The following HNRNPM variants were observed in gnomAD, a reference collection of about 807,000 sequenced individuals.
HNRNPM encodes CEA receptor.
Under a neutral mutation model 73.1 loss-of-function variants are expected in HNRNPM, and 11 were observed. The observed-to-expected ratio is 0.15, with a 90% CI of 0.09 to 0.25. The LOEUF (loss-of-function observed/expected upper bound fraction) is 0.25, where lower values mean the gene tolerates loss of function less well. HNRNPM is among the 10% of genes least tolerant of loss of function. The pLI, the probability that HNRNPM is intolerant of heterozygous loss-of-function variation, is 1.00. For missense variants in HNRNPM, 789 were observed against 1,067.9 expected (o/e 0.74, Z 3.64); for synonymous variants, 407 against 355.2 (o/e 1.15, Z -1.64).
At chr19:8,484,932 ATCT>A (rs752577794) in intron 13 of HNRNPM, among the ~76,000 whole-genome samples, 21 of 151,846 alleles carry the variant, frequency 1.4e-4, no homozygotes, top group Non-Finnish European at 2.6e-4. Context: ...TGCCATCAAC[ATCT>A]TCTTTCCAAA....
intron 1 of HNRNPM, chr19:8,445,721 C>T (rs1426017527): frequency 6.6e-6 from 1 of 152,538 alleles, no homozygotes; most frequent in African/African-American, 2.4e-5. Context: ...GCCCCTCGCC[C>T]CACGCTCTGG....
intron 1 of HNRNPM, among the ~76,000 whole-genome samples, chr19:8,455,008 C>G (rs1233352092): frequency 1.3e-5 from 2 of 152,100 alleles, no homozygotes; most frequent in Non-Finnish European, 2.9e-5. Flanking sequence ...GGGTCTCGCT[C>G]TGTCACCCTA....
chr19:8,477,483 C>T (rs1409503529), intron 12 of HNRNPM, among the ~76,000 whole-genome samples: 1 of 151,924 alleles, frequency 6.6e-6, no homozygotes, highest in Non-Finnish European at 1.5e-5. Flanking sequence ...CATAGTGAGA[C>T]CTCCTCTCTA....
chr19:8,449,408 G>A (rs1422713170), intron 1 of HNRNPM, among the ~76,000 whole-genome samples: 1 of 152,178 alleles, frequency 6.6e-6, no homozygotes, highest in East Asian at 1.9e-4. Flanking sequence ...TCTCAGCCTT[G>A]GCTCTGGTTT....
chr19:8,474,324 C>T, intron 12 of HNRNPM, 80 bp downstream of exon 12: 1 of 873,788 alleles, frequency 1.1e-6, no homozygotes, highest in Non-Finnish European at 1.7e-6. Flanking sequence ...GCTGCAGACC[C>T]ACTGAATAAG....
At chr19:8,448,268 A>G (rs975591958) in intron 1 of HNRNPM, among the ~76,000 whole-genome samples, 1 of 152,142 alleles carries the variant, frequency 6.6e-6, no homozygotes, top group South Asian at 2.1e-4. Flanking sequence ...CTTGTTTTGC[A>G]GTTACTTCTC....
chr19:8,448,214 T>C (rs1968350068), intron 1 of HNRNPM, among the ~76,000 whole-genome samples: 2 of 152,128 alleles, frequency 1.3e-5, no homozygotes, highest in African/African-American at 2.4e-5. Flanking sequence ...AGACCACAAA[T>C]GCAGTGAGCT....
At chr19:8,467,470 T>C in intron 7 of HNRNPM, 65 bp from the exon 8 acceptor site, 1 of 1,238,254 alleles carries the variant, frequency 8.1e-7, no homozygotes, top group Non-Finnish European at 1.2e-6. Context: ...TATTTTTCTT[T>C]CTTTTTGTAT....
At chr19:8,455,608 G>T in intron 2 of HNRNPM, 34 bp downstream of exon 2, 7 of 1,570,930 alleles carry the variant, frequency 4.5e-6, no homozygotes, top group Non-Finnish European at 6.1e-6. Flanking sequence ...GGGTGAGAAG[G>T]TTGGTGTGTC....
intron 1 of HNRNPM, among the ~76,000 whole-genome samples, chr19:8,445,956 C>T (rs1416834501): frequency 6.6e-6 from 1 of 152,184 alleles, no homozygotes; most frequent in Admixed American, 6.5e-5. Flanking sequence ...GCTTGGGGCT[C>T]TTTGACTCCT....
chr19:8,487,097 G>C, intron 15 of HNRNPM, 22 bp downstream of exon 15: 1 of 1,603,542 alleles, frequency 6.2e-7, no homozygotes, highest in Non-Finnish European at 8.5e-7. Flanking sequence ...GAACGGCTTT[G>C]TAGGTGCTTC....
intron 12 of HNRNPM, among the ~76,000 whole-genome samples, chr19:8,480,873 C>T (rs1336040170): frequency 7.9e-5 from 12 of 152,114 alleles, no homozygotes; most frequent in Admixed American, 7.9e-4. Flanking sequence ...ACCGGCAGGG[C>T]GCCACCTCTC....
Position 8,467,599 on chromosome 19 carries a change from T to G in HNRNPM, c.834+15T>G. The G allele has an allele frequency of 6.3e-7, 1 of 1,589,378 alleles. No homozygotes were observed. Among genetic ancestry groups the G allele is most frequent in the Non-Finnish European group, 8.6e-7 (1 of 1,157,364 alleles). On this transcript the variant is annotated intron_variant, in intron 8 of 15. Transcript: ENST00000325495. ...ACGTCAAGATGGTAAGTCAGTAGGA[T>G]CTTTCTCTGTGATATACTCAAGTCT...
At chr19:8,469,490 A>T (rs1969986233) in intron 9 of HNRNPM, among the ~76,000 whole-genome samples, 2 of 152,204 alleles carry the variant, frequency 1.3e-5, no homozygotes, top group South Asian at 4.1e-4. Flanking sequence ...TGGTATGTGA[A>T]GTGTCTTGAA....
At chr19:8,476,136 C>G (rs914885318) in intron 12 of HNRNPM, among the ~76,000 whole-genome samples, 5 of 151,998 alleles carry the variant, frequency 3.3e-5, no homozygotes, top group Non-Finnish European at 5.9e-5. Flanking sequence ...AGTGCTGATT[C>G]TCTGGAGAAC....
intron 2 of HNRNPM, 126 bp downstream of exon 2, chr19:8,455,700 A>C: frequency 4.7e-6 from 3 of 640,376 alleles, no homozygotes; most frequent in Non-Finnish European, 7.9e-6. Context: ...CAGGCTTAAG[A>C]GTGAAGCCCC....
In HNRNPM at chr19:8,488,803, C is replaced by T. The variant is rs767671368; in HGVS notation, c.2142C>T (p.Gly714=). Residue 714 remains glycine (G), a synonymous_variant, in exon 16 of 16, where the codon GGC becomes GGT. Transcript: ENST00000325495. ...VAERACRMMN[G]MKLSGREIDV... ...AGAGAGCCTGCCGGATGATGAATGG[C>T]ATGAAGCTGAGTGGCCGAGAGATTG... 9.3e-6 allele frequency: 15 copies of T among 1,614,022 alleles called. No homozygotes were observed. The highest frequency in any genetic ancestry group is 1.1e-5 in the Non-Finnish European group (13 of 1,180,028).
chr19:8,468,107 G>A (rs1343455076), intron 8 of HNRNPM, among the ~76,000 whole-genome samples: 2 of 152,178 alleles, frequency 1.3e-5, no homozygotes, highest in African/African-American at 4.8e-5. Flanking sequence ...TTGCACAGTT[G>A]ACTGTTCATG....
Position 8,486,454 on chromosome 19 carries a change from A to G in HNRNPM, c.1977+49A>G, listed in dbSNP as rs376728710. 52 of 1,470,158 alleles carry G rather than the reference A, an allele frequency of 3.5e-5. No homozygotes were observed. In the African/African-American group the frequency reaches 6.0e-4, roughly 17 times the overall value. The allele number at this position is 1,470,158 out of a possible 1,614,324, so 91.1% of individuals were successfully genotyped here. ...TTGGTGGTGGTGAGCATGAGGGGAC[A>G]GGGGAGGCAAAGATCAGCAGGATGA... is the stretch of plus-strand genomic sequence containing the variant. On this transcript the variant is annotated intron_variant, in intron 14 of 15. Coordinates refer to ENST00000325495, the MANE Select transcript of HNRNPM (RefSeq NM_005968.5).
Sources: allele counts gnomAD v4.1 joint callset (sites outside exome capture counted in the v4.1 genomes callset), GRCh38; gene constraint gnomAD v4.1.1; transcripts MANE v1.5; gene names NCBI Gene and HGNC (gene_info 2026-07-23, HGNC 2026-07-21).